ST3GAL4: variants seen among roughly 807,000 people sequenced by gnomAD.
The protein encoded by ST3GAL4 is CMP-N-acetylneuraminate-beta-galactosamide-alpha-2,3-sialyltransferase 4.
A neutral mutation model predicts 42.6 loss-of-function variants in ST3GAL4; 24 were observed. The observed-to-expected ratio is 0.56, with a 90% CI of 0.41 to 0.79. The LOEUF is 0.79. Among genes scored for constraint, ST3GAL4 ranks in the 30% least tolerant of loss-of-function variants. ST3GAL4 has a pLI of 0.00. For synonymous variants in ST3GAL4, 135 were observed against 163.2 expected, an observed-to-expected ratio of 0.83 and a Z score of 1.32; for missense variants, 311 against 430.8, an observed-to-expected ratio of 0.72 and a Z score of 2.46.
Position 126,414,023 on chromosome 11 carries a change from T to A in ST3GAL4, c.978T>A (p.Ala326=). 1 of 1,614,206 alleles carries A rather than the reference T, an allele frequency of 6.2e-7. No individual in the cohort carries two copies. The highest frequency in any genetic ancestry group is 8.5e-7 in the Non-Finnish European group (1 of 1,180,044). ...TTAAGCGGATGCTGGAGATGGGAGC[T>A]ATCAAGAACCTCACGTCCTTCTGAC... ...LAIKRMLEMG[A]IKNLTSF The change falls in exon 11 of 11, where the codon GCT becomes GCA. Residue 326 remains alanine, a synonymous_variant. Coordinates refer to ENST00000444328, the MANE Select transcript of ST3GAL4 (RefSeq NM_001254757.2).
chr11:126,382,022 A>G (rs1180289678), intron 1 of ST3GAL4, among the ~76,000 whole-genome samples: 3 of 151,816 alleles, frequency 2.0e-5, no homozygotes, highest in African/African-American at 7.3e-5. Flanking sequence ...GCCCACCCCC[A>G]TCAGAGGGCC....
intron 9 of ST3GAL4, among the ~76,000 whole-genome samples, chr11:126,413,179 C>T (rs372201486): frequency 6.6e-6 from 1 of 152,102 alleles, no homozygotes; most frequent in Non-Finnish European, 1.5e-5. Context: ...ATTCTTAGCG[C>T]ACGACAGCCC....
Position 126,408,502 on chromosome 11 carries a change from T to G in ST3GAL4, c.627+6T>G. On this transcript the variant is annotated splice_donor_region_variant and intron_variant, in intron 8 of 10. Transcript: ENST00000444328. Reference sequence around the variant, plus strand: ...TCCTGAGTGATAAGAAGCGGGTAAGTTGGGGGACAGACTGGGGGCTGAGGC... The same window carrying G: ...TCCTGAGTGATAAGAAGCGGGTAAGGTGGGGGACAGACTGGGGGCTGAGGC... 6.2e-7 allele frequency: 1 copy of G among 1,613,882 alleles called. No individual in the cohort carries two copies. Among genetic ancestry groups the G allele is most frequent in the Non-Finnish European group, 8.5e-7 (1 of 1,179,948 alleles).
chr11:126,365,002 CG>C (rs1952375772), intron 1 of ST3GAL4, among the ~76,000 whole-genome samples: 1 of 143,802 alleles, frequency 7.0e-6, no homozygotes, highest in African/African-American at 2.6e-5. Context: ...GGTGTGTTCT[CG>C]GGGGTGGGGG....
At chr11:126,390,874 C>T (rs1953487085) in intron 1 of ST3GAL4, among the ~76,000 whole-genome samples, 2 of 152,048 alleles carry the variant, frequency 1.3e-5, no homozygotes, top group Non-Finnish European at 2.9e-5. Context: ...TTGGCAGCCA[C>T]CATTCTGCTT....
At chr11:126,369,257 G>C (rs75384243) in intron 1 of ST3GAL4, among the ~76,000 whole-genome samples, 5 of 137,428 alleles carry the variant, frequency 3.6e-5, no homozygotes, top group Admixed American at 7.3e-5. Flanking sequence ...TCTTTTTTTT[G>C]GGGGGGGGAG....
intron 1 of ST3GAL4, among the ~76,000 whole-genome samples, chr11:126,390,806 A>G (rs552215706): frequency 6.6e-6 from 1 of 151,846 alleles, no homozygotes; most frequent in South Asian, 2.1e-4. Flanking sequence ...TCATCTTGCC[A>G]AACTGAAACA....
rs951817810 is a variant in ST3GAL4, at chr11:126,398,161, T to C, written c.-60-7935T>C. ...GTAAAACTCAAGGTATGGTTCATCC[T>C]GAATCAAATTCCCCTCCAGTCATGG... On this transcript the variant is annotated intron_variant, in intron 1 of 10. Coordinates refer to ENST00000444328, the MANE Select transcript of ST3GAL4 (RefSeq NM_001254757.2). This position sits in a 1 kb window ranked among gnomAD's most constrained non-coding sequence, Gnocchi z 4.7. Among the ~76,000 whole-genome samples, 1 of 152,254 alleles carries C rather than the reference T, an allele frequency of 6.6e-6. No homozygotes were observed. The highest frequency in any genetic ancestry group is 1.5e-5 in the Non-Finnish European group (1 of 68,036).
At position 126,404,140 on chromosome 11, in the gene ST3GAL4, A is replaced by G. The variant is rs567661902; in HGVS notation, c.-60-1956A>G. 4.6e-3 allele frequency among the ~76,000 whole-genome samples: 701 copies of G among 152,296 alleles called. 7 individuals are homozygous for G. The highest frequency in any genetic ancestry group is 7.7e-3 in the Admixed American group (118 of 15,300). On this transcript the variant is annotated intron_variant, in intron 1 of 10. Coordinates refer to ENST00000444328, the MANE Select transcript of ST3GAL4 (RefSeq NM_001254757.2). The stretch of plus-strand genomic sequence containing the variant: ...CTTGACCAGTGCTTCTCAAACTTGG[A>G]CAGATAGATGAATCGCCAGGGTATC...
At position 126,386,051 on chromosome 11, in the gene ST3GAL4, A is replaced by G. The variant is rs1408843775; in HGVS notation, c.-60-20045A>G. On this transcript the variant is annotated intron_variant, in intron 1 of 10. Coordinates refer to ENST00000444328, the MANE Select transcript of ST3GAL4 (RefSeq NM_001254757.2). This position sits in a 1 kb window ranked among gnomAD's most constrained non-coding sequence, Gnocchi z 4.7. Reference sequence around the variant, plus strand: ...TCTGTGCCTTGCACCCAGCCAGCTCAGAGTCTTGGGCACTTCTCTCAGTCT... The same window carrying G: ...TCTGTGCCTTGCACCCAGCCAGCTCGGAGTCTTGGGCACTTCTCTCAGTCT... 6.6e-6 allele frequency among the ~76,000 whole-genome samples: 1 copy of G among 152,054 alleles called. No individual in the cohort carries two copies. The highest frequency in any genetic ancestry group is 2.4e-5 in the African/African-American group (1 of 41,396).
Position 126,391,370 on chromosome 11 carries a change from A to G in ST3GAL4, c.-60-14726A>G, listed in dbSNP as rs987167872. Among the ~76,000 whole-genome samples, 10 of 152,014 alleles carry G rather than the reference A, an allele frequency of 6.6e-5. No individual in the cohort carries two copies. The highest frequency in any genetic ancestry group is 2.0e-4 in the Admixed American group (3 of 15,256). ...AGCATGATGTCTTGAGCACTTAGCAACCTTGTGCCTGCTGAGTGGTGGAAC... is the reference window on the plus strand; with the variant it reads ...AGCATGATGTCTTGAGCACTTAGCAGCCTTGTGCCTGCTGAGTGGTGGAAC... On this transcript the variant is annotated intron_variant, in intron 1 of 10. Coordinates refer to ENST00000444328, the MANE Select transcript of ST3GAL4 (RefSeq NM_001254757.2). This position sits in a 1 kb window ranked among gnomAD's most constrained non-coding sequence, Gnocchi z 5.5.
At chr11:126,375,869 CTTTTTTTTTT>C (rs11443803) in intron 1 of ST3GAL4, among the ~76,000 whole-genome samples, 10 of 122,646 alleles carry the variant, frequency 8.2e-5, no homozygotes, top group African/African-American at 3.0e-4. Flanking sequence ...CCTTTTCTTC[CTTTTTTTTTT>C]TTTTTTTTTT....
intron 1 of ST3GAL4, among the ~76,000 whole-genome samples, chr11:126,387,539 T>C (rs1225333443): frequency 1.3e-5 from 2 of 152,018 alleles, no homozygotes; most frequent in Non-Finnish European, 2.9e-5. Context: ...TAGCTGGTCA[T>C]GGTGGTATGT....
Position 126,392,962 on chromosome 11 carries a change from T to C in ST3GAL4, c.-60-13134T>C, listed in dbSNP as rs1245691558. On this transcript the variant is annotated intron_variant, in intron 1 of 10. Coordinates refer to ENST00000444328, the MANE Select transcript of ST3GAL4 (RefSeq NM_001254757.2). The surrounding 1 kb of genome is among the most constrained non-coding windows in gnomAD (Gnocchi z 5.8). ...TTGTAACACGACCAACTCCTGTTCT[T>C]TTTTTTTTTTTTTTTTGAGACAGGC... 1.0e-5 allele frequency among the ~76,000 whole-genome samples: 1 copy of C among 99,662 alleles called. No homozygotes were observed. 65.4% of individuals were successfully genotyped at this position (99,662 alleles called of 152,430 possible). A position where few individuals can be genotyped will look rare whatever the true frequency, so the allele number is the denominator to read the frequency against.
chr11:126,406,002 GA>G lies in ST3GAL4; in HGVS notation c.-60-92del. On this transcript the variant is annotated intron_variant, in intron 1 of 10. Transcript: ENST00000444328. The surrounding 1 kb of genome is among the most constrained non-coding windows in gnomAD (Gnocchi z 5.4). The stretch of plus-strand genomic sequence containing the variant: ...GGGAGCAGCTTCCTGCTTTCTGGTG[GA>G]AGGGAGGGGCAGACAGTGGGTGTGT... 1.4e-6 allele frequency: 2 copies of G among 1,440,014 alleles called. No individual in the cohort carries two copies. The highest frequency in any genetic ancestry group is 1.9e-6 in the Non-Finnish European group (2 of 1,053,676). The allele number at this position is 1,440,014 out of a possible 1,614,324, so 89.2% of individuals were successfully genotyped here.
rs1190420420 is a variant in ST3GAL4 at position 126,411,671 on chromosome 11, G to T, written c.772-1834G>T. ...GTGGTTGAAATAATTCGGTTCCTGCGATTGTAGAACTGAGGTCCCCATTTC... is the reference window on the plus strand; with the variant it reads ...GTGGTTGAAATAATTCGGTTCCTGCTATTGTAGAACTGAGGTCCCCATTTC... On this transcript the variant is annotated intron_variant, in intron 9 of 10. Coordinates refer to ENST00000444328, the MANE Select transcript of ST3GAL4 (RefSeq NM_001254757.2). This position sits in a 1 kb window ranked among gnomAD's most constrained non-coding sequence, Gnocchi z 6.3. Among the ~76,000 whole-genome samples the T allele has an allele frequency of 1.3e-5, 2 of 152,154 alleles. No individual in the cohort carries two copies. The highest frequency in any genetic ancestry group is 2.4e-5 in the African/African-American group (1 of 41,436).
rs1316183464 is a variant in ST3GAL4 at position 126,396,888 on chromosome 11, A to C, written c.-60-9208A>C. Among the ~76,000 whole-genome samples the C allele has an allele frequency of 6.6e-6, 1 of 152,006 alleles. No homozygotes were observed. Among genetic ancestry groups the C allele is most frequent in the African/African-American group, 2.4e-5 (1 of 41,312 alleles). The stretch of plus-strand genomic sequence containing the variant: ...TCACAGGGTCGAGATCATATTTAAC[A>C]CTTTCACAGCCCTTAGAAGTGTCTA... On this transcript the variant is annotated intron_variant, in intron 1 of 10. Coordinates refer to ENST00000444328, the MANE Select transcript of ST3GAL4 (RefSeq NM_001254757.2). The surrounding 1 kb of genome is among the most constrained non-coding windows in gnomAD (Gnocchi z 5.8).
chr11:126,381,324 A>G (rs1448593488), intron 1 of ST3GAL4, among the ~76,000 whole-genome samples: 1 of 152,162 alleles, frequency 6.6e-6, no homozygotes, highest in East Asian at 1.9e-4. Flanking sequence ...ACCCTGCAGG[A>G]TGGAGAAAAT....
At chr11:126,387,817 C>G (rs559197613) in intron 1 of ST3GAL4, among the ~76,000 whole-genome samples, 2 of 152,172 alleles carry the variant, frequency 1.3e-5, no homozygotes, top group Non-Finnish European at 2.9e-5. Flanking sequence ...TAAACCTATT[C>G]GTGTACAGAC....
Sources: allele counts gnomAD v4.1 joint callset (sites outside exome capture counted in the v4.1 genomes callset), GRCh38; gene constraint gnomAD v4.1.1; non-coding constraint Gnocchi (gnomAD v3.1); transcripts MANE v1.5; gene names NCBI Gene and HGNC (gene_info 2026-07-23, HGNC 2026-07-21).